The following MAP4K5 variants were observed in gnomAD, a reference collection of about 807,000 sequenced individuals.
The protein encoded by MAP4K5 is MAPK/ERK kinase kinase kinase 5.
In MAP4K5, 82 loss-of-function variants were observed where a neutral mutation model predicts 135.6. The observed-to-expected ratio is 0.60, with a 90% CI of 0.51 to 0.73. The LOEUF is 0.73. MAP4K5 is among the 30% of genes least tolerant of loss of function. The pLI is 0.00. For missense variants in MAP4K5, 907 were observed against 1,010.9 expected, an observed-to-expected ratio of 0.90 and a Z score of 1.39; for synonymous variants, 347 against 335.0, an observed-to-expected ratio of 1.04 and a Z score of -0.39.
chr14:50,553,265 C>T lies in MAP4K5; in HGVS notation c.-180+7775G>A, dbSNP rs1223271003. 7.9e-5 allele frequency among the ~76,000 whole-genome samples: 11 copies of T among 138,836 alleles called. No homozygotes were observed. The South Asian group carries it at 1.4e-3, about 18-fold the overall frequency. The allele number at this position is 138,836 out of a possible 152,430, so 91.1% of individuals were successfully genotyped here. Reference sequence around the variant, plus strand: ...CAGCCTGGGTGACAAAGCAAGACTCCGTTTCAAAAAAAAAAAAAAAGTGGG... The same window carrying T: ...CAGCCTGGGTGACAAAGCAAGACTCTGTTTCAAAAAAAAAAAAAAAGTGGG... On this transcript the variant is annotated intron_variant, in intron 1 of 8. Coordinates refer to the MAP4K5 transcript ENST00000555216.
At chr14:50,420,532 T>C (rs2035703079) in intron 32 of MAP4K5, among the ~76,000 whole-genome samples, 1 of 152,156 alleles carries the variant, frequency 6.6e-6, no homozygotes. Flanking sequence ...CTCAGGACGC[T>C]GAGGCAGGAG....
chr14:50,445,174 A>G lies in MAP4K5; in HGVS notation c.1206T>C (p.Pro402=), dbSNP rs761791655. 23 of 1,613,278 alleles carry G rather than the reference A, an allele frequency of 1.4e-5. No homozygotes were observed. The highest frequency in any genetic ancestry group is 1.5e-5 in the Non-Finnish European group (18 of 1,179,582). The change falls in exon 18 of 33, where the codon CCT becomes CCC. Residue 402 remains proline, a synonymous_variant. Transcript: ENST00000682126. ...TTTCTTCATCCGGAAAGTTGTCTTC[A>G]GGGTAACTGCTTATCCTTGGCTAGT... is the stretch of plus-strand genomic sequence containing the variant. ...LPPKPRISSY[P]EDNFPDEEKA... is the part of the protein sequence containing the mutation.
At position 50,554,382 on chromosome 14, in the gene MAP4K5, C is replaced by T. The variant is rs960544352; in HGVS notation, c.-180+6658G>A. ...TTGTATACTGTAGATGTGGCTTGTACGCACAAGCCATGGCTATACTTTATA... is the reference window on the plus strand; with the variant it reads ...TTGTATACTGTAGATGTGGCTTGTATGCACAAGCCATGGCTATACTTTATA... On this transcript the variant is annotated intron_variant, in intron 1 of 8. Transcript: ENST00000555216. Among the ~76,000 whole-genome samples, 9 of 152,118 alleles carry T rather than the reference C, an allele frequency of 5.9e-5. No individual in the cohort carries two copies. The East Asian group carries it at 7.7e-4, about 13-fold the overall frequency.
intron 3 of MAP4K5, among the ~76,000 whole-genome samples, chr14:50,489,079 T>C (rs1159111685): frequency 6.6e-6 from 1 of 152,186 alleles, no homozygotes; most frequent in Non-Finnish European, 1.5e-5. Flanking sequence ...CAAATTAATA[T>C]TACTTTCCAC....
intron 2 of MAP4K5, among the ~76,000 whole-genome samples, chr14:50,511,001 A>G (rs1401749188): frequency 1.3e-5 from 2 of 152,196 alleles, no homozygotes; most frequent in African/African-American, 2.4e-5. Flanking sequence ...AAACCTATAC[A>G]TAAGTGTTTA....
At chr14:50,428,574 A>G (rs950237569) in intron 30 of MAP4K5, 88 bp downstream of exon 30, 18 of 709,272 alleles carry the variant, frequency 2.5e-5, no homozygotes, top group Middle Eastern at 3.6e-4. Flanking sequence ...TCTGTGAGAC[A>G]GTGCTGGTCT....
chr14:50,483,921 C>T (rs1039515803), intron 5 of MAP4K5, among the ~76,000 whole-genome samples: 80 of 151,832 alleles, frequency 5.3e-4, no homozygotes, highest in African/African-American at 1.7e-3. Flanking sequence ...AGTGCACTGG[C>T]GTGATCTTGG....
chr14:50,533,827 G>C (rs1194506173), upstream of MAP4K5, among the ~76,000 whole-genome samples: 1 of 152,060 alleles, frequency 6.6e-6, no homozygotes, highest in Non-Finnish European at 1.5e-5. Flanking sequence ...GTTGATAATT[G>C]TATAATGTAG....
intron 3 of MAP4K5, among the ~76,000 whole-genome samples, chr14:50,493,120 G>T (rs936749222): frequency 6.6e-6 from 1 of 151,862 alleles, no homozygotes; most frequent in Non-Finnish European, 1.5e-5. Flanking sequence ...GTTTGTTCAA[G>T]AGACAAGGTC....
At chr14:50,425,842 A>G in intron 31 of MAP4K5, 65 bp downstream of exon 31, 1 of 1,146,910 alleles carries the variant, frequency 8.7e-7, no homozygotes, top group Middle Eastern at 1.9e-4. Context: ...GAAATGCATA[A>G]AACGAGTGCT....
chr14:50,453,294 A>C (rs903383827), intron 14 of MAP4K5, among the ~76,000 whole-genome samples: 1 of 152,174 alleles, frequency 6.6e-6, no homozygotes, highest in Middle Eastern at 3.4e-3. Context: ...AAGAAAAAAA[A>C]TTAGGTAATT....
chr14:50,424,568 G>C (rs1448101397), intron 31 of MAP4K5, among the ~76,000 whole-genome samples: 1 of 151,852 alleles, frequency 6.6e-6, no homozygotes, highest in East Asian at 1.9e-4. Flanking sequence ...AAATTAGCTG[G>C]GTGTGTTGGT....
intron 2 of MAP4K5, among the ~76,000 whole-genome samples, chr14:50,511,254 G>A (rs1327289127): frequency 6.6e-6 from 1 of 152,144 alleles, no homozygotes; most frequent in Non-Finnish European, 1.5e-5. Context: ...TGCCATTTGA[G>A]GAAACTTGGA....
At chr14:50,479,714 G>A (rs1427118251) in intron 6 of MAP4K5, among the ~76,000 whole-genome samples, 2 of 152,062 alleles carry the variant, frequency 1.3e-5, no homozygotes, top group African/African-American at 4.8e-5. Context: ...TGCTTGTCTG[G>A]TAATCTTTGA....
Position 50,445,161 on chromosome 14 carries a change from G to T in MAP4K5, c.1219C>A (p.Pro407Thr), listed in dbSNP as rs775264545. 2 of 1,613,476 alleles carry T rather than the reference G, an allele frequency of 1.2e-6. No individual in the cohort carries two copies. Among genetic ancestry groups the T allele is most frequent in the Non-Finnish European group, 1.7e-6 (2 of 1,179,608 alleles). The change falls in exon 18 of 33, where the codon CCG becomes ACG. Residue 407 changes from proline to threonine, a missense_variant. By Grantham distance (38) the Pro-to-Thr change is conservative. Transcript: ENST00000682126. The stretch of plus-strand genomic sequence containing the variant: ...ATGGTTGATGCTTTTTCTTCATCCG[G>T]AAAGTTGTCTTCAGGGTAACTGCTT... ...RISSYPEDNF[P>T]DEEKASTIKH... is the part of the protein sequence containing the mutation.
intron 20 of MAP4K5, among the ~76,000 whole-genome samples, chr14:50,443,043 T>C (rs2036262469): frequency 6.6e-6 from 1 of 152,060 alleles, no homozygotes; most frequent in Non-Finnish European, 1.5e-5. Context: ...ATATCAAATT[T>C]ACCAAAAGAT....
intron 2 of MAP4K5, among the ~76,000 whole-genome samples, chr14:50,521,821 G>C (rs537445377): frequency 1.2e-4 from 18 of 152,214 alleles, no homozygotes; most frequent in African/African-American, 4.3e-4. Flanking sequence ...CCTTCTCAGA[G>C]AGTCATCTAC....
At position 50,435,004 on chromosome 14, in the gene MAP4K5, T is replaced by TA; in HGVS notation, c.1943dup (p.Leu648PhefsTer6). On this transcript the variant is annotated frameshift_variant, in exon 27 of 33. Coordinates refer to ENST00000682126, the MANE Select transcript of MAP4K5 (RefSeq NM_006575.6). LOFTEE classifies it high-confidence loss of function. ...TCTGCATTGGCTCATACCACTGAAG[T>TA]AAAACAATTCCAGACTGTAAAGCTC... The TA allele has an allele frequency of 6.2e-7, 1 of 1,611,426 alleles. No homozygotes were observed. The highest frequency in any genetic ancestry group is 8.5e-7 in the Non-Finnish European group (1 of 1,178,326).
At chr14:50,490,554 G>C (rs551385537) in intron 3 of MAP4K5, among the ~76,000 whole-genome samples, 1 of 152,312 alleles carries the variant, frequency 6.6e-6, no homozygotes, top group African/African-American at 2.4e-5. Flanking sequence ...TTGCTAAAAA[G>C]TGTACAAGTA....
Sources: allele counts gnomAD v4.1 joint callset (sites outside exome capture counted in the v4.1 genomes callset), GRCh38; gene constraint gnomAD v4.1.1; transcripts MANE v1.5; gene names NCBI Gene and HGNC (gene_info 2026-07-23, HGNC 2026-07-21).